The following HECW1 variants were observed in gnomAD, a reference collection of about 807,000 sequenced individuals.
HECW1 encodes the protein E3 ubiquitin-protein ligase HECW1.
A neutral mutation model predicts 182.3 loss-of-function variants in HECW1; 61 were observed. The ratio of observed to expected loss-of-function variants is 0.33; its 90% confidence interval spans 0.27 to 0.41. HECW1 has a LOEUF of 0.41. HECW1 is among the 10% of genes least tolerant of loss of function. The pLI is 1.00. For missense variants in HECW1, 1,739 were observed against 2,108.9 expected, an observed-to-expected ratio of 0.82 and a Z score of 3.44; for synonymous variants, 859 against 832.6, an observed-to-expected ratio of 1.03 and a Z score of -0.55.
intron 3 of HECW1, among the ~76,000 whole-genome samples, chr7:43,276,073 C>T (rs1803104406): frequency 6.6e-6 from 1 of 152,208 alleles, no homozygotes; most frequent in South Asian, 2.1e-4. Context: ...GATGGCTCTG[C>T]TCTGGTTCCT....
intron 2 of HECW1, among the ~76,000 whole-genome samples, chr7:43,194,924 C>T (rs1467857711): frequency 6.6e-6 from 1 of 152,106 alleles, no homozygotes; most frequent in Non-Finnish European, 1.5e-5. Flanking sequence ...GAACTCCTGA[C>T]CTCAGGTAAT....
intron 3 of HECW1, among the ~76,000 whole-genome samples, chr7:43,256,609 CA>C (rs756396122): frequency 0.091 from 5,035 of 55,348 alleles, 197 homozygotes; most frequent in African/African-American, 0.23. Context: ...AACTTCATCT[CA>C]AAAAAAAAAA....
intron 3 of HECW1, among the ~76,000 whole-genome samples, chr7:43,301,890 A>G (rs66970073): frequency 0.2 from 30,678 of 150,400 alleles, 3,887 homozygotes; most frequent in East Asian, 0.46. Context: ...AAAAAAAAAA[A>G]GAAGCAGGAG....
intron 8 of HECW1, among the ~76,000 whole-genome samples, chr7:43,422,368 GT>G (rs56093938): frequency 0.58 from 73,569 of 126,228 alleles, 20,740 homozygotes; most frequent in East Asian, 0.88. Context: ...GGTTGTTGTT[GT>G]TTTTTTTTTT....
At chr7:43,148,708 T>C (rs1788975339) in intron 2 of HECW1, 1 of 151,946 alleles carries the variant, frequency 6.6e-6, no homozygotes, top group Non-Finnish European at 1.5e-5. Context: ...GTGGTCTGGC[T>C]CTGCTGCTAA....
chr7:43,469,219 A>G lies in HECW1; in HGVS notation c.3099+114A>G, dbSNP rs2077914888. On this transcript the variant is annotated intron_variant, in intron 16 of 29. Coordinates refer to ENST00000395891, the MANE Select transcript of HECW1 (RefSeq NM_015052.5). Reference sequence around the variant, plus strand: ...AGGAGTTATGTCTGAGAGATGTGCTATCGGCCGCCAGCAGTAAAGGGGCTG... The same window carrying G: ...AGGAGTTATGTCTGAGAGATGTGCTGTCGGCCGCCAGCAGTAAAGGGGCTG... 16 of 1,122,612 alleles carry G rather than the reference A, an allele frequency of 1.4e-5. 1 individual carries two copies. Among genetic ancestry groups the G allele is most frequent in the Non-Finnish European group, 1.8e-5 (14 of 773,928 alleles). The allele number at this position is 1,122,612 out of a possible 1,614,324, so 69.5% of individuals were successfully genotyped here. A position where few individuals can be genotyped will look rare whatever the true frequency, so the allele number is the denominator to read the frequency against.
intron 24 of HECW1, among the ~76,000 whole-genome samples, chr7:43,518,559 C>A (rs898851770): frequency 6.7e-6 from 1 of 150,256 alleles, no homozygotes; most frequent in Non-Finnish European, 1.5e-5. Context: ...ATACCATAAA[C>A]AAGGTCAAAA....
chr7:43,498,983 T>C (rs751407988), intron 19 of HECW1, among the ~76,000 whole-genome samples: 9 of 152,266 alleles, frequency 5.9e-5, no homozygotes, highest in Middle Eastern at 3.4e-3. Context: ...AGATTTTTTT[T>C]TTCATTCATC....
intron 25 of HECW1, 60 bp from the exon 26 acceptor site, chr7:43,541,809 G>A: frequency 7.4e-7 from 1 of 1,347,362 alleles, no homozygotes; most frequent in Non-Finnish European, 9.6e-7. Context: ...ACCACATTTT[G>A]AAGTGAGGTC....
intron 21 of HECW1, among the ~76,000 whole-genome samples, chr7:43,501,863 G>T: frequency 6.6e-6 from 1 of 151,730 alleles, no homozygotes; most frequent in East Asian, 1.9e-4. Flanking sequence ...AGAAAGAAAA[G>T]AAAAAAATTA....
At chr7:43,402,639 C>T (rs999052656) in intron 7 of HECW1, among the ~76,000 whole-genome samples, 3 of 152,080 alleles carry the variant, frequency 2.0e-5, no homozygotes, top group African/African-American at 7.2e-5. Flanking sequence ...TCCAAGAAAA[C>T]TCGAGAATTG....
intron 2 of HECW1, among the ~76,000 whole-genome samples, chr7:43,171,168 A>G (rs57015152): frequency 0.046 from 6,969 of 152,196 alleles, 254 homozygotes; most frequent in East Asian, 0.15. Context: ...GAAAAAGTAA[A>G]ATGCTTGACT....
chr7:43,305,431 G>T (rs1807422360), intron 3 of HECW1, among the ~76,000 whole-genome samples: 1 of 152,114 alleles, frequency 6.6e-6, no homozygotes, highest in African/African-American at 2.4e-5. Flanking sequence ...AATTTGGAGA[G>T]AATGCTTAAG....
intron 2 of HECW1, among the ~76,000 whole-genome samples, chr7:43,213,020 T>G (rs1027246431): frequency 1.3e-5 from 2 of 152,096 alleles, no homozygotes; most frequent in Non-Finnish European, 2.9e-5. Context: ...CAATATTATA[T>G]CAGTAAAAGC....
chr7:43,247,972 A>G, intron 3 of HECW1, among the ~76,000 whole-genome samples: 1 of 130,942 alleles, frequency 7.6e-6, no homozygotes, highest in Non-Finnish European at 1.6e-5. Flanking sequence ...AAAAAGAGAA[A>G]GGAAAGAAGG....
intron 2 of HECW1, among the ~76,000 whole-genome samples, chr7:43,210,521 T>G (rs1795917052): frequency 6.6e-6 from 1 of 151,666 alleles, no homozygotes. Context: ...CCCAAGATGG[T>G]GTTGGGCCAC....
intron 5 of HECW1, among the ~76,000 whole-genome samples, chr7:43,339,381 TG>T (rs1177948562): frequency 6.6e-6 from 1 of 152,234 alleles, no homozygotes; most frequent in Non-Finnish European, 1.5e-5. Flanking sequence ...CTGCTCTACC[TG>T]ATCTCCTGCT....
At chr7:43,308,059 CAT>C (rs535115782) in intron 3 of HECW1, among the ~76,000 whole-genome samples, 13 of 102,222 alleles carry the variant, frequency 1.3e-4, no homozygotes, top group African/African-American at 1.6e-4. Context: ...TATAATACAA[CAT>C]ATAATATATA....
intron 19 of HECW1, among the ~76,000 whole-genome samples, chr7:43,495,858 G>A (rs998532882): frequency 1.2e-4 from 19 of 152,126 alleles, no homozygotes; most frequent in African/African-American, 3.1e-4. Flanking sequence ...GGTTTTTGAC[G>A]CGTGGTTGTT....
Sources: allele counts gnomAD v4.1 joint callset (sites outside exome capture counted in the v4.1 genomes callset), GRCh38; gene constraint gnomAD v4.1.1; transcripts MANE v1.5; gene names NCBI Gene and HGNC (gene_info 2026-07-23, HGNC 2026-07-21).